SBF2: variants seen among roughly 807,000 people sequenced by gnomAD.
SBF2 encodes SET binding factor 2.
A neutral mutation model predicts 225.2 loss-of-function variants in SBF2; 112 were observed. The observed-to-expected ratio is 0.50, with a 90% CI of 0.43 to 0.58. SBF2 has a LOEUF of 0.58. SBF2 is among the 20% of genes least tolerant of loss of function. SBF2 has a pLI of 0.00. For synonymous variants in SBF2, 763 were observed against 773.3 expected, an observed-to-expected ratio of 0.99 and a Z score of 0.22; for missense variants, 1,996 against 2,206.2, an observed-to-expected ratio of 0.90 and a Z score of 1.91.
At chr11:9,977,932 G>C (rs1946775446) in intron 13 of SBF2, among the ~76,000 whole-genome samples, 1 of 152,112 alleles carries the variant, frequency 6.6e-6, no homozygotes, top group South Asian at 2.1e-4. Context: ...GTGCTTCAAA[G>C]GGAAATGAAA....
rs540495540 is a variant in SBF2 at position 9,982,157 on chromosome 11, A to G, written c.1395+7340T>C. Among the ~76,000 whole-genome samples the G allele has an allele frequency of 9.2e-5, 14 of 152,096 alleles. 1 individual carries two copies. Among genetic ancestry groups the G allele is most frequent in the African/African-American group, 3.4e-4 (14 of 41,464 alleles). On this transcript the variant is annotated intron_variant, in intron 13 of 39. Transcript: ENST00000256190. Reference sequence around the variant, plus strand: ...CTTGTGTTTCTGTGGTCACTTGTCAATTTGCTTTTTTTCTTTCAGCTTTTC... The same window carrying G: ...CTTGTGTTTCTGTGGTCACTTGTCAGTTTGCTTTTTTTCTTTCAGCTTTTC...
At chr11:9,941,138 T>G (rs1446758012) in intron 16 of SBF2, among the ~76,000 whole-genome samples, 1 of 150,840 alleles carries the variant, frequency 6.6e-6, no homozygotes, top group East Asian at 1.9e-4. Flanking sequence ...AGCGAGACCC[T>G]GTCTCTACAA....
At chr11:10,032,477 C>T (rs1380504001) in intron 3 of SBF2, among the ~76,000 whole-genome samples, 1 of 152,164 alleles carries the variant, frequency 6.6e-6, no homozygotes, top group Admixed American at 6.5e-5. Flanking sequence ...CTGTGTTATT[C>T]CTTTGCCTAA....
At chr11:9,832,695 C>A (rs1029252906) in intron 26 of SBF2, among the ~76,000 whole-genome samples, 1 of 152,190 alleles carries the variant, frequency 6.6e-6, no homozygotes, top group Non-Finnish European at 1.5e-5. Flanking sequence ...CCTTCCTCAG[C>A]CTCCCAAAGT....
chr11:10,173,676 G>C (rs1028530733), intron 2 of SBF2, among the ~76,000 whole-genome samples: 1 of 152,086 alleles, frequency 6.6e-6, no homozygotes, highest in Non-Finnish European at 1.5e-5. Context: ...AAGGAGGCCT[G>C]CCTGCCTCTG....
intron 2 of SBF2, among the ~76,000 whole-genome samples, chr11:10,151,310 G>T (rs1260374939): frequency 6.6e-6 from 1 of 152,072 alleles, no homozygotes; most frequent in Non-Finnish European, 1.5e-5. Flanking sequence ...CGCTGATTAG[G>T]GAGGAAGAGC....
At chr11:10,031,733 G>T (rs945384431) in intron 3 of SBF2, among the ~76,000 whole-genome samples, 2 of 152,102 alleles carry the variant, frequency 1.3e-5, no homozygotes, top group African/African-American at 4.8e-5. Flanking sequence ...CTGATATTTT[G>T]AGAAAAGAGA....
intron 2 of SBF2, among the ~76,000 whole-genome samples, chr11:10,132,438 T>C (rs1954104710): frequency 6.6e-6 from 1 of 151,038 alleles, no homozygotes; most frequent in Admixed American, 6.6e-5. Flanking sequence ...CTTCTGATGT[T>C]CAGATGTGTT....
intron 2 of SBF2, among the ~76,000 whole-genome samples, chr11:10,146,639 A>C (rs1221685769): frequency 6.6e-6 from 1 of 152,234 alleles, no homozygotes; most frequent in East Asian, 1.9e-4. Context: ...AACCTAGGCA[A>C]TACCATTCTA....
At chr11:9,908,112 A>AAT (rs1221336516) in intron 16 of SBF2, among the ~76,000 whole-genome samples, 1 of 152,232 alleles carries the variant, frequency 6.6e-6, no homozygotes, top group African/African-American at 2.4e-5. Context: ...AATTATAAAT[A>AAT]ATATCCTCAA....
intron 26 of SBF2, among the ~76,000 whole-genome samples, chr11:9,835,081 T>A (rs938478581): frequency 6.6e-6 from 1 of 152,150 alleles, no homozygotes; most frequent in Admixed American, 6.6e-5. Flanking sequence ...AAGATATCAA[T>A]TTCCCTGCCA....
chr11:9,895,300 A>G (rs2134132145), intron 17 of SBF2, among the ~76,000 whole-genome samples: 1 of 152,306 alleles, frequency 6.6e-6, no homozygotes, highest in South Asian at 2.1e-4. Flanking sequence ...TTATGATTGC[A>G]TATTTCAGAA....
chr11:9,924,543 T>C (rs1863881216), intron 16 of SBF2, among the ~76,000 whole-genome samples: 1 of 152,100 alleles, frequency 6.6e-6, no homozygotes, highest in Non-Finnish European at 1.5e-5. Flanking sequence ...GCAATTCTCC[T>C]GCCTCAGCTT....
At chr11:10,019,083 A>G (rs982590450) in intron 6 of SBF2, among the ~76,000 whole-genome samples, 8 of 152,232 alleles carry the variant, frequency 5.3e-5, no homozygotes, top group African/African-American at 1.9e-4. Flanking sequence ...GGCTAAAAGT[A>G]CATCTGGGGT....
At chr11:9,787,543 C>A in intron 36 of SBF2, 91 bp downstream of exon 36, 1 of 1,068,882 alleles carries the variant, frequency 9.4e-7, no homozygotes, top group Non-Finnish European at 1.4e-6. Context: ...ATAAACCCAG[C>A]TGGGTCTTGT....
At chr11:9,978,275 T>C (rs1946788654) in intron 13 of SBF2, among the ~76,000 whole-genome samples, 1 of 152,216 alleles carries the variant, frequency 6.6e-6, no homozygotes, top group Non-Finnish European at 1.5e-5. Context: ...GATTTTGTCA[T>C]CACGGACTTC....
chr11:9,991,337 G>C (rs946742769), intron 12 of SBF2, among the ~76,000 whole-genome samples: 1 of 152,070 alleles, frequency 6.6e-6, no homozygotes, highest in Admixed American at 6.6e-5. Context: ...TAAAATATGT[G>C]CCTCTTCTTT....
intron 2 of SBF2, among the ~76,000 whole-genome samples, chr11:10,067,704 G>A (rs1445929285): frequency 6.6e-6 from 1 of 152,066 alleles, no homozygotes; most frequent in Admixed American, 6.6e-5. Flanking sequence ...AGACCAACCT[G>A]GGCAACATAG....
chr11:9,851,492 T>G (rs1441362057), intron 21 of SBF2, among the ~76,000 whole-genome samples: 1 of 152,122 alleles, frequency 6.6e-6, no homozygotes, highest in Admixed American at 6.6e-5. Flanking sequence ...TAATGAACAT[T>G]TACACAACTC....
Sources: allele counts gnomAD v4.1 joint callset (sites outside exome capture counted in the v4.1 genomes callset), GRCh38; gene constraint gnomAD v4.1.1; transcripts MANE v1.5; gene names NCBI Gene and HGNC (gene_info 2026-07-23, HGNC 2026-07-21).